The following LIPM variants were observed in gnomAD, a reference collection of about 807,000 sequenced individuals.
The protein encoded by LIPM is lipase family member M.
A neutral mutation model predicts 42.4 loss-of-function variants in LIPM; 42 were observed. The ratio of observed to expected loss-of-function variants is 0.99; its 90% CI spans 0.77 to 1.28. The LOEUF is 1.28. Among genes scored for constraint, LIPM ranks in the 50% most tolerant of loss-of-function variants. The pLI is 0.00. For missense variants in LIPM, 524 were observed against 520.1 expected, an observed-to-expected ratio of 1.01 and a Z score of -0.07; for synonymous variants, 177 against 173.3, an observed-to-expected ratio of 1.02 and a Z score of -0.17.
intron 4 of LIPM, 147 bp from the exon 5 acceptor site, chr10:88,814,941 G>T (rs975309031): frequency 5.1e-5 from 36 of 709,148 alleles, no homozygotes; most frequent in Non-Finnish European, 6.7e-6. Context: ...CAAATATGCT[G>T]GTGTCATAAG....
At chr10:88,814,217 C>A (rs1484830949) in intron 3 of LIPM, among the ~76,000 whole-genome samples, 1 of 152,188 alleles carries the variant, frequency 6.6e-6, no homozygotes, top group Non-Finnish European at 1.5e-5. Context: ...GAGCCCTGTG[C>A]GGTTCTGCTT....
At position 88,814,530 on chromosome 10, in the gene LIPM, T is replaced by G; in HGVS notation, c.465T>G (p.Ser155Arg). ...ATAACTTTGTCTTTTCCCCTTGTAGTTATGATGAGATGGCTAGGTTTGACC... is the reference window on the plus strand; with the variant it reads ...ATAACTTTGTCTTTTCCCCTTGTAGGTATGATGAGATGGCTAGGTTTGACC... ...SIDQDEFWAF[S>R]YDEMARFDLP... The change falls in exon 4 of 9, where the codon AGT becomes AGG. Residue 155 changes from serine to arginine, a missense_variant and splice_region_variant. Physicochemically the swap from Ser to Arg is moderately radical, Grantham distance 110 (BLOSUM62 -1). Transcript: ENST00000404743. 7 of 1,545,934 alleles carry G rather than the reference T, an allele frequency of 4.5e-6. No homozygotes were observed. Among genetic ancestry groups the G allele is most frequent in the Non-Finnish European group, 6.1e-6 (7 of 1,141,754 alleles).
chr10:88,814,665 T>C (rs1427650932), intron 4 of LIPM, 26 bp downstream of exon 4: 1 of 1,509,676 alleles, frequency 6.6e-7, no homozygotes, highest in African/African-American at 1.4e-5. Flanking sequence ...AGCAGGTTTG[T>C]ATACTCGGAA....
intron 2 of LIPM, among the ~76,000 whole-genome samples, chr10:88,810,485 C>A (rs1043165524): frequency 1.3e-5 from 2 of 150,682 alleles, no homozygotes; most frequent in Non-Finnish European, 2.9e-5. Context: ...TTGGCATGTG[C>A]CTCTTCAGAG....
intron 3 of LIPM, among the ~76,000 whole-genome samples, 159 bp from the exon 4 acceptor site, chr10:88,814,371 T>C (rs890714714): frequency 5.3e-5 from 8 of 152,194 alleles, no homozygotes; most frequent in African/African-American, 9.7e-5. Flanking sequence ...CCATGCTTCA[T>C]AGGTTTGAAA....
intron 2 of LIPM, among the ~76,000 whole-genome samples, chr10:88,808,910 CATTTTATTTTATTTTATTTT>C (rs72015280): frequency 0.036 from 4,845 of 135,388 alleles, 211 homozygotes; most frequent in East Asian, 0.17. Context: ...TCTATACATA[CATTTTATTTTATTTTATTTT>C]ATTTTATTTT....
chr10:88,810,615 T>C (rs1013078793), intron 2 of LIPM, among the ~76,000 whole-genome samples: 1 of 152,246 alleles, frequency 6.6e-6, no homozygotes, highest in African/African-American at 2.4e-5. Context: ...TAGCGGCCTT[T>C]TTATCTTTAT....
chr10:88,803,067 G>T, intron 1 of LIPM, 24 bp downstream of exon 1: 1 of 1,548,486 alleles, frequency 6.5e-7, no homozygotes, highest in Non-Finnish European at 8.7e-7. Flanking sequence ...TCTGGGAAAT[G>T]AGGTACTTAA....
chr10:88,806,771 G>A (rs1029494955), intron 1 of LIPM, among the ~76,000 whole-genome samples: 1 of 151,968 alleles, frequency 6.6e-6, no homozygotes, highest in African/African-American at 2.4e-5. Flanking sequence ...TGTAACCTCC[G>A]CCTCCCAGAT....
At position 88,815,153 on chromosome 10, in the gene LIPM, C is replaced by T; in HGVS notation, c.640C>T (p.Pro214Ser). 6.4e-7 allele frequency: 1 copy of T among 1,551,778 alleles called. No homozygotes were observed. Among genetic ancestry groups the T allele is most frequent in the Non-Finnish European group, 8.7e-7 (1 of 1,146,964 alleles). ...AATCAAAATGTATTTTGCTTTAGCA[C>T]CCATAGCCACTGTTAAGCATGCAAA... ...QKIKMYFALA[P>S]IATVKHAKSP... is the part of the protein sequence containing the mutation. Residue 214 changes from proline to serine, a missense_variant, in exon 5 of 9, where the codon CCC (proline) becomes TCC (serine). Physicochemically the swap from Pro to Ser is moderately conservative, Grantham distance 74 (BLOSUM62 -1). Transcript: ENST00000404743.
intron 1 of LIPM, among the ~76,000 whole-genome samples, chr10:88,805,058 T>C (rs111799002): frequency 9.2e-5 from 14 of 151,834 alleles, no homozygotes; most frequent in African/African-American, 3.4e-4. Flanking sequence ...ATCTTATACT[T>C]TGATGAATAA....
chr10:88,814,417 C>A, intron 3 of LIPM, 113 bp from the exon 4 acceptor site: 1 of 675,256 alleles, frequency 1.5e-6, no homozygotes, highest in Non-Finnish European at 2.6e-6. Flanking sequence ...GACACGGTAA[C>A]AAGCTGTCAG....
chr10:88,817,720 C>T, intron 7 of LIPM, 105 bp from the exon 8 acceptor site: 1 of 698,292 alleles, frequency 1.4e-6, no homozygotes. Context: ...AACCATTGCT[C>T]TCTCCTTCCC....
chr10:88,803,186 A>AGAAT, intron 1 of LIPM, 143 bp downstream of exon 1: 3 of 939,584 alleles, frequency 3.2e-6, no homozygotes, highest in Non-Finnish European at 4.6e-6. Flanking sequence ...TGTACTGGAA[A>AGAAT]GAATGCTAAA....
intron 6 of LIPM, 151 bp from the exon 7 acceptor site, chr10:88,816,665 G>A (rs1402408302): frequency 1.5e-5 from 9 of 585,276 alleles, no homozygotes; most frequent in Admixed American, 5.5e-5. Context: ...TTTTATTTAC[G>A]TGCATGTACA....
intron 6 of LIPM, among the ~76,000 whole-genome samples, chr10:88,816,592 A>T (rs1241071057): frequency 6.6e-6 from 1 of 152,140 alleles, no homozygotes; most frequent in African/African-American, 2.4e-5. Context: ...TAGGGGCCAG[A>T]TCTCTGATGA....
chr10:88,820,179 G>A, intron 8 of LIPM, 53 bp from the exon 9 acceptor site: 6 of 1,397,622 alleles, frequency 4.3e-6, no homozygotes, highest in East Asian at 2.5e-5. Context: ...CATAAATTAT[G>A]AGCCTGAAAG....
At chr10:88,817,991 A>C in intron 8 of LIPM, 95 bp downstream of exon 8, 1 of 995,126 alleles carries the variant, frequency 1.0e-6, no homozygotes, top group Non-Finnish European at 1.5e-6. Context: ...ATGGGAATAA[A>C]ATATGAAAAT....
rs1446996790 is a variant in LIPM, at chr10:88,808,286, C to T, written c.148-12C>T. On this transcript the variant is annotated splice_polypyrimidine_tract_variant and intron_variant, in intron 1 of 8. Transcript: ENST00000404743. ...AGAACTGAACCTAAAAGAAATTGTG[C>T]TTTTTCCATAGAGTGAAATCATCCA... 1 of 1,488,528 alleles carries T rather than the reference C, an allele frequency of 6.7e-7. No homozygotes were observed. Among genetic ancestry groups the T allele is most frequent in the East Asian group, 2.5e-5 (1 of 40,568 alleles). 92.2% of individuals were successfully genotyped at this position (1,488,528 alleles called of 1,614,324 possible). A position where few individuals can be genotyped will look rare whatever the true frequency, so the allele number is the denominator to read the frequency against.
Sources: allele counts gnomAD v4.1 joint callset (sites outside exome capture counted in the v4.1 genomes callset), GRCh38; gene constraint gnomAD v4.1.1; transcripts MANE v1.5; gene names NCBI Gene and HGNC (gene_info 2026-07-23, HGNC 2026-07-21).